The following THRB variants were observed in gnomAD, a reference collection of about 807,000 sequenced individuals.
THRB encodes the protein thyroid hormone receptor beta, also known as nuclear receptor subfamily 1 group A member 2.
In THRB, 12 loss-of-function variants were observed where a neutral mutation model predicts 47.8. The observed-to-expected ratio is 0.25, with a 90% CI of 0.16 to 0.41. The LOEUF (loss-of-function observed/expected upper bound fraction) is 0.41, where lower values mean the gene tolerates loss of function less well. Ranked by LOEUF, THRB falls within the 10% of genes least tolerant of loss-of-function variation. THRB has a pLI of 1.00. For missense variants in THRB, 348 were observed against 589.2 expected, an observed-to-expected ratio of 0.59 and a Z score of 4.24; for synonymous variants, 218 against 212.2, an observed-to-expected ratio of 1.03 and a Z score of -0.24.
intron 1 of THRB, among the ~76,000 whole-genome samples, chr3:24,366,989 T>C (rs1647284693): frequency 6.6e-6 from 1 of 152,146 alleles, no homozygotes; most frequent in South Asian, 2.1e-4. Context: ...TTTTTTTCTG[T>C]GACTGTACCA....
intron 3 of THRB, among the ~76,000 whole-genome samples, chr3:24,295,869 C>T (rs1213670995): frequency 1.3e-5 from 2 of 152,200 alleles, no homozygotes; most frequent in Non-Finnish European, 2.9e-5. Context: ...GTGATAATGT[C>T]AATGCTCTAC....
At chr3:24,249,232 A>G (rs539368164) in intron 3 of THRB, among the ~76,000 whole-genome samples, 2 of 152,046 alleles carry the variant, frequency 1.3e-5, no homozygotes, top group Admixed American at 6.5e-5. Flanking sequence ...TTTTTTTTGC[A>G]TAAAAATGAT....
At chr3:24,231,405 A>G (rs1291499148) in intron 3 of THRB, among the ~76,000 whole-genome samples, 3 of 152,134 alleles carry the variant, frequency 2.0e-5, no homozygotes, top group Non-Finnish European at 4.4e-5. Context: ...TCTTAATTCT[A>G]TATAAGACTT....
intron 1 of THRB, among the ~76,000 whole-genome samples, chr3:24,426,990 C>T (rs1422813523): frequency 2.0e-5 from 3 of 151,900 alleles, no homozygotes; most frequent in Admixed American, 6.6e-5. Flanking sequence ...TTAAGCTCAT[C>T]GATGCTTGCC....
chr3:24,118,973 G>GTTTTTTTTTTTTTTTTTT lies in THRB; in HGVS notation c.*3893_*3910dup, dbSNP rs559325556. The GTTTTTTTTTTTTTTTTTT allele has an allele frequency of 6.1e-5, 3 of 49,530 alleles. No homozygotes were observed. Among genetic ancestry groups the GTTTTTTTTTTTTTTTTTT allele is most frequent in the Non-Finnish European group, 8.1e-5 (2 of 24,684 alleles). The allele number at this position is 49,530 out of a possible 1,614,324, so 3.1% of individuals were successfully genotyped here. On this transcript the variant is annotated 3_prime_UTR_variant, in exon 11 of 11. Coordinates refer to ENST00000646209, the MANE Select transcript of THRB (RefSeq NM_001354712.2). ...GCCAAACCTTTTTTCCCCCAGTCTG[G>GTTTTTTTTTTTTTTTTTT]TTTTTTTTTTTTTTTTTTTTTTTTT...
intron 3 of THRB, among the ~76,000 whole-genome samples, chr3:24,286,577 G>A (rs1422528056): frequency 6.6e-6 from 1 of 152,144 alleles, no homozygotes; most frequent in Non-Finnish European, 1.5e-5. Flanking sequence ...ACAGCTAGAT[G>A]GCTTGTAGAT....
chr3:24,347,185 T>A (rs1454902181), intron 1 of THRB, among the ~76,000 whole-genome samples: 1 of 151,962 alleles, frequency 6.6e-6, no homozygotes, highest in Non-Finnish European at 1.5e-5. Context: ...TAGACAATAT[T>A]ATTAACTGAA....
intron 3 of THRB, among the ~76,000 whole-genome samples, chr3:24,236,822 T>C (rs4858595): frequency 0.3 from 45,258 of 152,098 alleles, 10,965 homozygotes; most frequent in African/African-American, 0.67. Context: ...GCAGCCCCAG[T>C]TATCCTTCCC....
intron 3 of THRB, among the ~76,000 whole-genome samples, chr3:24,262,179 C>G (rs2052128308): frequency 6.6e-6 from 1 of 152,194 alleles, no homozygotes; most frequent in African/African-American, 2.4e-5. Context: ...GTTCCATCCT[C>G]TGTCTTCCTT....
At chr3:24,284,332 A>G (rs1020375425) in intron 3 of THRB, among the ~76,000 whole-genome samples, 20 of 151,552 alleles carry the variant, frequency 1.3e-4, no homozygotes, top group Non-Finnish European at 2.5e-4. Context: ...CAATGGGGAA[A>G]GGATTCCCTA....
At chr3:24,432,609 G>A (rs905329471) in intron 1 of THRB, among the ~76,000 whole-genome samples, 2 of 152,140 alleles carry the variant, frequency 1.3e-5, no homozygotes, top group Non-Finnish European at 2.9e-5. Flanking sequence ...CACTTCACAC[G>A]AATGGCTAAG....
intron 1 of THRB, among the ~76,000 whole-genome samples, chr3:24,358,593 T>G (rs571680320): frequency 1.7e-4 from 26 of 152,302 alleles, no homozygotes; most frequent in African/African-American, 5.5e-4. Context: ...ATATTTACAC[T>G]ATACTTTCCA....
chr3:24,436,037 C>T (rs2070910177), intron 1 of THRB, among the ~76,000 whole-genome samples: 1 of 152,060 alleles, frequency 6.6e-6, no homozygotes, highest in African/African-American at 2.4e-5. Flanking sequence ...TTAAAAATGA[C>T]ACTTACGTAC....
chr3:24,188,505 G>A lies in THRB; in HGVS notation c.283+1569C>T, dbSNP rs150173361. ...TAAGATGCATAGATTTATTTTAAAT[G>A]ATTGATAGAGACATAGATGGACTCT... On this transcript the variant is annotated intron_variant, in intron 5 of 10. Coordinates refer to ENST00000646209, the MANE Select transcript of THRB (RefSeq NM_001354712.2). 6.6e-5 allele frequency among the ~76,000 whole-genome samples: 10 copies of A among 152,182 alleles called. No individual in the cohort carries two copies. The East Asian group carries it at 1.9e-3, about 29-fold the overall frequency.
intron 1 of THRB, among the ~76,000 whole-genome samples, chr3:24,356,696 C>T (rs1043088792): frequency 2.0e-5 from 3 of 152,142 alleles, no homozygotes; most frequent in East Asian, 1.9e-4. Context: ...GTATTTGTTA[C>T]AGCAGCACCT....
intron 2 of THRB, among the ~76,000 whole-genome samples, chr3:24,326,287 G>A (rs1258166291): frequency 6.6e-6 from 1 of 152,164 alleles, no homozygotes; most frequent in East Asian, 1.9e-4. Flanking sequence ...CCAGGCTGAA[G>A]TGCAATGGCA....
At chr3:24,384,355 T>C (rs1430790277) in intron 1 of THRB, among the ~76,000 whole-genome samples, 1 of 152,166 alleles carries the variant, frequency 6.6e-6, no homozygotes, top group Non-Finnish European at 1.5e-5. Context: ...TCTGCATTCT[T>C]ATGTGTAGGA....
chr3:24,122,517 T>G lies in THRB; in HGVS notation c.*367A>C. 3.0e-6 allele frequency: 1 copy of G among 338,440 alleles called. No homozygotes were observed. 21.0% of individuals were successfully genotyped at this position (338,440 alleles called of 1,614,324 possible). On this transcript the variant is annotated 3_prime_UTR_variant, in exon 11 of 11. Transcript: ENST00000646209. Reference sequence around the variant, plus strand: ...CATCAGGATTGGGTGGAGGTGGTCGTATTATCTTGGTTTTAAGGCTTCTTT... The same window carrying G: ...CATCAGGATTGGGTGGAGGTGGTCGGATTATCTTGGTTTTAAGGCTTCTTT...
intron 4 of THRB, among the ~76,000 whole-genome samples, chr3:24,214,624 C>T (rs1421429229): frequency 6.6e-6 from 1 of 152,174 alleles, no homozygotes; most frequent in Non-Finnish European, 1.5e-5. Context: ...ATGGTGTTAT[C>T]CTCCTTCTCT....
Sources: allele counts gnomAD v4.1 joint callset (sites outside exome capture counted in the v4.1 genomes callset), GRCh38; gene constraint gnomAD v4.1.1; transcripts MANE v1.5; gene names NCBI Gene and HGNC (gene_info 2026-07-23, HGNC 2026-07-21).